The following RER1 variants were observed in gnomAD, a reference collection of about 807,000 sequenced individuals.
The protein encoded by RER1 is protein RER1.
A neutral mutation model predicts 28.3 loss-of-function variants in RER1; 6 were observed. The ratio of observed to expected loss-of-function variants is 0.21; its 90% CI spans 0.12 to 0.42. The LOEUF (loss-of-function observed/expected upper bound fraction) is 0.42, where lower values mean the gene tolerates loss of function less well. RER1 is among the 10% of genes least tolerant of loss of function. The probability of loss-of-function intolerance (pLI) is 1.00; values close to 1 mark genes in which losing one functional copy is unlikely to be tolerated. For missense variants in RER1, 159 were observed against 252.9 expected (o/e 0.63, Z 2.52); for synonymous variants, 110 against 95.9 (o/e 1.15, Z -0.86).
chr1:2,396,531 A>G (rs186257972), intron 2 of RER1, among the ~76,000 whole-genome samples: 1 of 152,386 alleles, frequency 6.6e-6, no homozygotes, highest in East Asian at 1.9e-4. Context: ...AATTTCTCAC[A>G]ATTTGAAAAT....
chr1:2,399,453 T>C lies in RER1; in HGVS notation c.225T>C (p.His75=). Reference sequence around the variant, plus strand: ...TGACCTATGCCTTGGGGATCTACCATCTAAATCTTTTCATAGCTTTTCTTT... The same window carrying C: ...TGACCTATGCCTTGGGGATCTACCACCTAAATCTTTTCATAGCTTTTCTTT... ...YIVTYALGIY[H]LNLFIAFLSP... The change falls in exon 4 of 7, where the codon CAT becomes CAC. Residue 75 remains histidine, a synonymous_variant. Transcript: ENST00000605895. 1.2e-6 allele frequency: 2 copies of C among 1,612,840 alleles called. No individual in the cohort carries two copies. Among genetic ancestry groups the C allele is most frequent in the African/African-American group, 1.3e-5 (1 of 75,010 alleles).
At chr1:2,393,138 C>G (rs1299841881) in intron 1 of RER1, 2 of 21,038 alleles carry the variant, frequency 9.5e-5, no homozygotes, top group East Asian at 3.6e-3. Context: ...GAGTCTTACA[C>G]TTTCTGGCAC....
At position 2,403,158 on chromosome 1, in the gene RER1, AAC is replaced by A; in HGVS notation, c.*36_*37del. ...CTGAGGCTGCCTCACGTGTTGCAAG[AAC>A]AGTTTTGAGCCATTGTTAACAATGC... On this transcript the variant is annotated 3_prime_UTR_variant, in exon 7 of 7. Coordinates refer to ENST00000605895, the MANE Select transcript of RER1 (RefSeq NM_007033.5). The A allele has an allele frequency of 6.5e-7, 1 of 1,544,458 alleles. No individual in the cohort carries two copies. The highest frequency in any genetic ancestry group is 9.0e-7 in the Non-Finnish European group (1 of 1,116,578).
intron 3 of RER1, 37 bp downstream of exon 3, chr1:2,397,257 C>A: frequency 2.2e-6 from 3 of 1,378,782 alleles, no homozygotes; most frequent in Non-Finnish European, 3.1e-6. Context: ...TTGGCTCTGT[C>A]CACGTTACCT....
chr1:2,402,351 G>A lies in RER1; in HGVS notation c.501+9G>A, dbSNP rs1052753692. ...TGAAGAGGCAAATCAAGGTAAAGCA[G>A]AGGCGCTGCCGCCACGCCGGCCGCA... On this transcript the variant is annotated intron_variant, in intron 6 of 6. Coordinates refer to ENST00000605895, the MANE Select transcript of RER1 (RefSeq NM_007033.5). The A allele has an allele frequency of 1.2e-6, 2 of 1,614,012 alleles. No individual in the cohort carries two copies. The highest frequency in any genetic ancestry group is 1.7e-6 in the Non-Finnish European group (2 of 1,179,926).
chr1:2,392,042 GGGGCCGCGCTGAGGGCCGGGCGGGGA>G (rs1484161248), intron 1 of RER1, 84 bp downstream of exon 1: 2 of 151,664 alleles, frequency 1.3e-5, no homozygotes, highest in Non-Finnish European at 3.0e-5. Context: ...GCGGGCGGGC[GGGGCCGCGCTGAGGGCCGGGCGGGGA>G]GGGCCGTCGG....
intron 1 of RER1, among the ~76,000 whole-genome samples, chr1:2,392,366 C>T (rs887329301): frequency 2.6e-5 from 4 of 152,254 alleles, no homozygotes; most frequent in Non-Finnish European, 5.9e-5. Context: ...TGTCCCCATC[C>T]TGCGTCCAGG....
Position 2,404,074 on chromosome 1 carries a change from A to T in RER1, c.*950A>T, listed in dbSNP as rs1489605368. On this transcript the variant is annotated 3_prime_UTR_variant, in exon 7 of 7. Coordinates refer to ENST00000605895, the MANE Select transcript of RER1 (RefSeq NM_007033.5). ...GTTTGGCCTTTTCGAAAGGTGACCC[A>T]TATTGCACAGCAGAACATCACAGCT... 1 of 152,238 alleles carries T rather than the reference A, an allele frequency of 6.6e-6. No individual in the cohort carries two copies. The highest frequency in any genetic ancestry group is 1.5e-5 in the Non-Finnish European group (1 of 68,056). The allele number at this position is 152,238 out of a possible 1,614,324, so 9.4% of individuals were successfully genotyped here.
intron 1 of RER1, 74 bp from the exon 2 acceptor site, chr1:2,395,710 T>C (rs1642759347): frequency 1.0e-6 from 1 of 994,990 alleles, no homozygotes; most frequent in Non-Finnish European, 1.6e-6. Flanking sequence ...CTTGACAGTG[T>C]TGGTGAAAAT....
intron 5 of RER1, 29 bp from the exon 6 acceptor site, chr1:2,402,178 C>T (rs368718129): frequency 8.5e-5 from 137 of 1,613,872 alleles, no homozygotes; most frequent in African/African-American, 8.0e-4. Flanking sequence ...GCTGCAGATG[C>T]GGCGCTAACC....
Position 2,395,865 on chromosome 1 carries a change from T to C in RER1, c.75T>C (p.Leu25=), listed in dbSNP as rs1642761198. The change falls in exon 2 of 7, where the codon CTT becomes CTC. Residue 25 remains leucine (L), a synonymous_variant. Transcript: ENST00000605895. ...TGGTGTACAGATTTTTCACAAGACT[T>C]GGACAGGTTGGTGGGTTTTTTAGTA... The part of the protein sequence containing the change: ...PSVVYRFFTR[L]GQIYQSWLDK... The C allele has an allele frequency of 6.2e-7, 1 of 1,613,152 alleles. No individual in the cohort carries two copies. Among genetic ancestry groups the C allele is most frequent in the East Asian group, 2.2e-5 (1 of 44,888 alleles).
intron 5 of RER1, among the ~76,000 whole-genome samples, chr1:2,401,252 T>TCCCTCCCTCCTTCCTCCCTCCTCC (rs148750749): frequency 1.6e-5 from 1 of 62,236 alleles, no homozygotes; most frequent in Non-Finnish European, 3.2e-5. Context: ...TCCTCCCTCC[T>TCCCTCCCTCCTTCCTCCCTCCTCC]TCCTCCCTCC....
At chr1:2,395,983 C>CA in intron 2 of RER1, 112 bp downstream of exon 2, 4 of 845,674 alleles carry the variant, frequency 4.7e-6, no homozygotes, top group Non-Finnish European at 8.0e-6. Flanking sequence ...GTTACTTCGC[C>CA]TCAGGCTCAA....
In RER1 at chr1:2,402,480, G is replaced by C. The variant is rs140201652; in HGVS notation, c.501+138G>C. On this transcript the variant is annotated intron_variant, in intron 6 of 6. Transcript: ENST00000605895. ...ATGTGGAGCTAAGTGGCACCGTCTTGTGTGTGACGAGGACACTGCTCCGTT... is the reference window on the plus strand; with the variant it reads ...ATGTGGAGCTAAGTGGCACCGTCTTCTGTGTGACGAGGACACTGCTCCGTT... The C allele has an allele frequency of 9.7e-6, 11 of 1,139,830 alleles. No homozygotes were observed. In the East Asian group the frequency reaches 2.5e-4, roughly 25 times the overall value. 70.6% of individuals were successfully genotyped at this position (1,139,830 alleles called of 1,614,324 possible).
intron 1 of RER1, among the ~76,000 whole-genome samples, chr1:2,392,973 C>T (rs1000438809): frequency 5.5e-4 from 4 of 7,320 alleles, no homozygotes; most frequent in African/African-American, 1.8e-3. Flanking sequence ...CTTTCTTAGT[C>T]CCGGAGGAAT....
rs535130776 is a variant in RER1, at chr1:2,405,304, C to T, written c.*2180C>T. The T allele has an allele frequency of 6.8e-5, 22 of 325,280 alleles. No individual in the cohort carries two copies. The Admixed American group carries it at 7.6e-4, about 11-fold the overall frequency. The allele number at this position is 325,280 out of a possible 1,614,324, so 20.1% of individuals were successfully genotyped here. On this transcript the variant is annotated 3_prime_UTR_variant, in exon 7 of 7. Transcript: ENST00000605895. ...GGCCGTGGGGCTGCTGTTCTCACTGCACTGGCTGAAGCAACCCGCCAGCCT... is the reference window on the plus strand; with the variant it reads ...GGCCGTGGGGCTGCTGTTCTCACTGTACTGGCTGAAGCAACCCGCCAGCCT...
rs538220626 is a variant in RER1 at position 2,398,290 on chromosome 1, G to C, written c.186+1070G>C. Among the ~76,000 whole-genome samples the C allele has an allele frequency of 3.9e-5, 6 of 152,372 alleles. No homozygotes were observed. In the South Asian group the frequency reaches 6.2e-4, roughly 16 times the overall value. ...GCGTTCAGCCAGGGATGGACACACAGACATCAGTTAGCCCTCACATCTGGC... is the reference window on the plus strand; with the variant it reads ...GCGTTCAGCCAGGGATGGACACACACACATCAGTTAGCCCTCACATCTGGC... On this transcript the variant is annotated intron_variant, in intron 3 of 6. Transcript: ENST00000605895.
rs1415518478 is a variant in RER1, at chr1:2,405,029, A to T, written c.*1905A>T. 6.5e-6 allele frequency: 1 copy of T among 154,436 alleles called. No individual in the cohort carries two copies. The highest frequency in any genetic ancestry group is 1.4e-5 in the Non-Finnish European group (1 of 69,376). The allele number at this position is 154,436 out of a possible 1,614,324, so 9.6% of individuals were successfully genotyped here. On this transcript the variant is annotated 3_prime_UTR_variant, in exon 7 of 7. Transcript: ENST00000605895. ...CTCGGGCGCCCCTGGCAGCCCCCAT[A>T]CCCCCAGGACCTGGCTCGTGAGTGC...
intron 5 of RER1, chr1:2,401,979 G>A (rs1642869194): frequency 2.1e-6 from 3 of 1,461,092 alleles, no homozygotes; most frequent in African/African-American, 2.8e-5. Context: ...AAGAAGAATT[G>A]TGTCTTTCAA....
Sources: gnomAD v4.1 joint callset for allele counts (sites outside exome capture counted in the v4.1 genomes callset) on GRCh38, gnomAD v4.1.1 for gene constraint, MANE v1.5 for transcripts, NCBI Gene and HGNC (gene_info 2026-07-23, HGNC 2026-07-21) for gene names.